The following CTNNA2 variants were observed in gnomAD, a reference collection of about 807,000 sequenced individuals.
CTNNA2 encodes catenin alpha-2.
Under a neutral mutation model 101.0 loss-of-function variants are expected in CTNNA2, and 42 were observed. That is an observed-to-expected ratio of 0.42 (90% confidence interval 0.32 to 0.54). CTNNA2 has a LOEUF of 0.54. CTNNA2 is among the 20% of genes least tolerant of loss of function. The probability of loss-of-function intolerance (pLI) is 0.14; values close to 1 mark genes in which losing one functional copy is unlikely to be tolerated. For synonymous variants in CTNNA2, 450 were observed against 456.4 expected (o/e 0.99, Z 0.18); for missense variants, 871 against 1,223.1 (o/e 0.71, Z 4.29).
intron 7 of CTNNA2, among the ~76,000 whole-genome samples, chr2:80,363,682 C>A (rs1559045840): frequency 6.6e-6 from 1 of 152,116 alleles, no homozygotes; most frequent in Non-Finnish European, 1.5e-5. Flanking sequence ...CAGGTATACA[C>A]ACCAATAAAT....
At chr2:79,204,487 G>T (rs758758693) in intron 2 of CTNNA2, among the ~76,000 whole-genome samples, 50 of 152,038 alleles carry the variant, frequency 3.3e-4, no homozygotes, top group Non-Finnish European at 5.9e-4. Context: ...TTCTATTTTG[G>T]ATATAAGACT....
intron 2 of CTNNA2, among the ~76,000 whole-genome samples, chr2:79,216,603 A>C (rs1210138093): frequency 1.3e-5 from 2 of 151,476 alleles, no homozygotes; most frequent in East Asian, 3.9e-4. Flanking sequence ...TCTTGTCCCC[A>C]GAAAAGCAGA....
chr2:79,307,351 G>A (rs1162527499), intron 2 of CTNNA2, among the ~76,000 whole-genome samples: 1 of 152,156 alleles, frequency 6.6e-6, no homozygotes, highest in Non-Finnish European at 1.5e-5. Flanking sequence ...CGATCTAGCT[G>A]TAATTTCGTA....
chr2:79,390,768 G>A (rs1678162644), intron 4 of CTNNA2, among the ~76,000 whole-genome samples: 1 of 152,134 alleles, frequency 6.6e-6, no homozygotes. Flanking sequence ...ATGGATCCTT[G>A]TAAACCATCA....
chr2:80,288,110 C>T (rs1424713870), intron 7 of CTNNA2, among the ~76,000 whole-genome samples: 1 of 152,152 alleles, frequency 6.6e-6, no homozygotes, highest in Admixed American at 6.5e-5. Context: ...GCCCAGGGTC[C>T]TCTGGTGATA....
chr2:80,058,667 A>C (rs974779169), intron 7 of CTNNA2, among the ~76,000 whole-genome samples: 1 of 152,144 alleles, frequency 6.6e-6, no homozygotes, highest in Non-Finnish European at 1.5e-5. Context: ...GTTTGGGTAG[A>C]TGTTATTTTA....
intron 1 of CTNNA2, among the ~76,000 whole-genome samples, chr2:79,636,269 C>CAAAAAAA (rs57739991): frequency 3.0e-5 from 2 of 67,258 alleles, no homozygotes; most frequent in Non-Finnish European, 3.2e-5. Flanking sequence ...GACTCTGTCT[C>CAAAAAAA]AAAAAAAAAA....
chr2:79,536,117 C>T (rs1418175779), intron 1 of CTNNA2, among the ~76,000 whole-genome samples: 1 of 152,136 alleles, frequency 6.6e-6, no homozygotes, highest in Non-Finnish European at 1.5e-5. Context: ...TTGGGGTCTG[C>T]TGACAGGGAA....
At chr2:79,824,851 C>T (rs1285198307) in intron 3 of CTNNA2, among the ~76,000 whole-genome samples, 1 of 151,938 alleles carries the variant, frequency 6.6e-6, no homozygotes, top group Non-Finnish European at 1.5e-5. Context: ...TTTCAAATTC[C>T]TCAACATTTG....
At chr2:80,455,880 C>T (rs202216863) in intron 9 of CTNNA2, among the ~76,000 whole-genome samples, 7 of 152,006 alleles carry the variant, frequency 4.6e-5, no homozygotes, top group East Asian at 1.9e-4. Flanking sequence ...ATTTAATCTT[C>T]GAAACAAGCC....
chr2:79,668,063 AC>A lies in CTNNA2; in HGVS notation c.102+16409del, dbSNP rs1210230220. Reference sequence around the variant, plus strand: ...AGACCATCCTGGCTAACAAGGTGAAACCCCGTCTCTACTAAAAATACAAAAA... The same window carrying A: ...AGACCATCCTGGCTAACAAGGTGAAACCCGTCTCTACTAAAAATACAAAAA... On this transcript the variant is annotated intron_variant, in intron 2 of 18. Coordinates refer to ENST00000402739, the MANE Select transcript of CTNNA2 (RefSeq NM_001282597.3). 8.7e-5 allele frequency among the ~76,000 whole-genome samples: 13 copies of A among 149,270 alleles called. 1 individual carries two copies. The East Asian group carries it at 2.8e-3, about 32-fold the overall frequency.
intron 1 of CTNNA2, among the ~76,000 whole-genome samples, chr2:79,532,250 T>C (rs1422387937): frequency 6.6e-6 from 1 of 152,080 alleles, no homozygotes; most frequent in Non-Finnish European, 1.5e-5. Flanking sequence ...AGGGATGGGC[T>C]CTGTCCCTAG....
At chr2:79,384,229 C>T (rs1678071830) in intron 4 of CTNNA2, among the ~76,000 whole-genome samples, 1 of 152,140 alleles carries the variant, frequency 6.6e-6, no homozygotes, top group Admixed American at 6.5e-5. Flanking sequence ...TCATTTCCAG[C>T]TTAAACATCT....
chr2:79,734,982 T>C (rs994963137), intron 2 of CTNNA2, among the ~76,000 whole-genome samples: 2 of 152,300 alleles, frequency 1.3e-5, no homozygotes, highest in African/African-American at 4.8e-5. Context: ...GGTATCACAA[T>C]AAGTCAGTAG....
chr2:79,724,804 G>A (rs778032969), intron 2 of CTNNA2, among the ~76,000 whole-genome samples: 8 of 103,970 alleles, frequency 7.7e-5, no homozygotes, highest in African/African-American at 1.2e-4. Flanking sequence ...GACAGACCAA[G>A]ACTCCACCTC....
intron 4 of CTNNA2, among the ~76,000 whole-genome samples, chr2:79,473,925 G>A (rs551348238): frequency 2.0e-5 from 3 of 152,090 alleles, no homozygotes; most frequent in East Asian, 3.9e-4. Flanking sequence ...TTTTATTTCT[G>A]TGCCACCAAT....
In CTNNA2 at chr2:79,733,530, A is replaced by G. The variant is rs557832667; in HGVS notation, c.103-10857A>G. Among the ~76,000 whole-genome samples, 4 of 151,978 alleles carry G rather than the reference A, an allele frequency of 2.6e-5. No homozygotes were observed. In the South Asian group the frequency reaches 8.3e-4, roughly 32 times the overall value. On this transcript the variant is annotated intron_variant, in intron 2 of 18. Coordinates refer to ENST00000402739, the MANE Select transcript of CTNNA2 (RefSeq NM_001282597.3). ...AGTGTGTGTGAAAACTAGAAAATTT[A>G]AGACTTAAACCCACTTACCAGGCAC...
intron 4 of CTNNA2, among the ~76,000 whole-genome samples, chr2:79,474,547 C>A (rs1374640443): frequency 6.6e-6 from 1 of 152,028 alleles, no homozygotes; most frequent in Non-Finnish European, 1.5e-5. Context: ...GTAAAATTTA[C>A]TGTACTTTAA....
intron 7 of CTNNA2, among the ~76,000 whole-genome samples, chr2:80,215,810 T>G (rs952831226): frequency 6.6e-6 from 1 of 152,202 alleles, no homozygotes; most frequent in Non-Finnish European, 1.5e-5. Context: ...GACATTTAAG[T>G]CTGCAGAAGT....
Sources: gnomAD v4.1 joint callset for allele counts (sites outside exome capture counted in the v4.1 genomes callset) on GRCh38, gnomAD v4.1.1 for gene constraint, MANE v1.5 for transcripts, NCBI Gene and HGNC (gene_info 2026-07-23, HGNC 2026-07-21) for gene names.